Variants in LRRC53 observed in about 807,000 individuals in gnomAD.
LRRC53 encodes the protein leucine rich repeat containing 53.
Under a neutral mutation model 13.6 loss-of-function variants are expected in LRRC53, and 25 were observed. The ratio of observed to expected loss-of-function variants is 1.83; its 90% CI spans 1.34 to 2.56. The LOEUF is 2.56. Among genes scored for constraint, LRRC53 ranks in the 30% most tolerant of loss-of-function variants. LRRC53 has a pLI of 0.00. For missense variants in LRRC53, 527 were observed against 275.8 expected, an observed-to-expected ratio of 1.91 and a Z score of -6.45; for synonymous variants, 204 against 109.8, an observed-to-expected ratio of 1.86 and a Z score of -5.37.
chr1:74,500,213 A>G (rs1454616988), intron 1 of LRRC53, among the ~76,000 whole-genome samples: 10 of 152,040 alleles, frequency 6.6e-5, no homozygotes, highest in Admixed American at 6.6e-4. Context: ...AAATTCCATA[A>G]TGATTTCATT....
At chr1:74,523,822 C>T in the LRRC53 span, among the ~76,000 whole-genome samples, 1 of 152,134 alleles carries the variant, frequency 6.6e-6, no homozygotes, top group Admixed American at 6.6e-5. Context: ...ATGTGCAGAA[C>T]GTGCAGGTTT....
the LRRC53 span, among the ~76,000 whole-genome samples, chr1:74,533,818 A>G: frequency 6.6e-6 from 1 of 152,190 alleles, no homozygotes; most frequent in African/African-American, 2.4e-5. Flanking sequence ...AAGGACAAAA[A>G]ACCAAACACC....
At chr1:74,493,959 G>C (rs1395473725) in intron 1 of LRRC53, among the ~76,000 whole-genome samples, 1 of 152,224 alleles carries the variant, frequency 6.6e-6, no homozygotes, top group Non-Finnish European at 1.5e-5. Flanking sequence ...GGTAACTGGA[G>C]TGGGAATGGG....
At chr1:74,491,533 C>A (rs1264486944) in intron 1 of LRRC53, among the ~76,000 whole-genome samples, 1 of 152,180 alleles carries the variant, frequency 6.6e-6, no homozygotes, top group African/African-American at 2.4e-5. Context: ...AGCCACCACA[C>A]CCAGCCAAGT....
intron 1 of LRRC53, among the ~76,000 whole-genome samples, chr1:74,499,489 T>G (rs1023426751): frequency 6.6e-6 from 1 of 152,180 alleles, no homozygotes; most frequent in Non-Finnish European, 1.5e-5. Context: ...TATTAATTAT[T>G]GTCAATCTCT....
chr1:74,505,608 T>C (rs1355647317), intron 1 of LRRC53, among the ~76,000 whole-genome samples: 1 of 152,212 alleles, frequency 6.6e-6, no homozygotes, highest in Non-Finnish European at 1.5e-5. Context: ...CTAAACCTCA[T>C]ATAATGCAAA....
At chr1:74,494,017 G>C (rs545284525) in intron 1 of LRRC53, among the ~76,000 whole-genome samples, 1 of 152,280 alleles carries the variant, frequency 6.6e-6, no homozygotes, top group African/African-American at 2.4e-5. Context: ...CCCTGTTCTA[G>C]ATGGGGAGCA....
the LRRC53 span, among the ~76,000 whole-genome samples, chr1:74,523,523 G>A: frequency 6.6e-6 from 1 of 151,722 alleles, no homozygotes; most frequent in Non-Finnish European, 1.5e-5. Context: ...AAAAAAAAAG[G>A]CCTCAAAGTT....
intron 1 of LRRC53, 47 bp from the exon 2 acceptor site, chr1:74,483,422 C>G: frequency 1.4e-6 from 1 of 704,974 alleles, no homozygotes; most frequent in Non-Finnish European, 2.6e-6. Flanking sequence ...TTGGCATTCA[C>G]TGTCCATTAT....
At chr1:74,518,339 C>G in the LRRC53 span, among the ~76,000 whole-genome samples, 1 of 152,124 alleles carries the variant, frequency 6.6e-6, no homozygotes, top group Non-Finnish European at 1.5e-5. Context: ...TTCCACATAG[C>G]CTCTTACTGT....
At chr1:74,509,926 G>A (rs937352544) in intron 1 of LRRC53, among the ~76,000 whole-genome samples, 1 of 151,172 alleles carries the variant, frequency 6.6e-6, no homozygotes, top group African/African-American at 2.4e-5. Flanking sequence ...GCTAATTTTT[G>A]TATTTTTTGT....
At chr1:74,511,697 G>T (rs1670235720) in intron 1 of LRRC53, among the ~76,000 whole-genome samples, 1 of 152,042 alleles carries the variant, frequency 6.6e-6, no homozygotes, top group African/African-American at 2.4e-5. Context: ...GAAACACACA[G>T]GAAGATAAGT....
chr1:74,514,607 T>C (rs537043411), upstream of LRRC53, among the ~76,000 whole-genome samples: 1 of 152,220 alleles, frequency 6.6e-6, no homozygotes, highest in African/African-American at 2.4e-5. Flanking sequence ...ATGGGAAAAC[T>C]GGTCAAAACA....
At chr1:74,491,462 G>A (rs560152378) in intron 1 of LRRC53, among the ~76,000 whole-genome samples, 9 of 152,152 alleles carry the variant, frequency 5.9e-5, no homozygotes, top group Middle Eastern at 3.4e-3. Context: ...GGATGGTGTC[G>A]ATCTCTTGAC....
upstream of LRRC53, among the ~76,000 whole-genome samples, chr1:74,517,114 A>G (rs1040552324): frequency 6.6e-6 from 1 of 152,150 alleles, no homozygotes; most frequent in East Asian, 1.9e-4. Flanking sequence ...GATGCTGTTC[A>G]TTATTATGTA....
chr1:74,519,637 A>T, the LRRC53 span, among the ~76,000 whole-genome samples: 2 of 152,188 alleles, frequency 1.3e-5, no homozygotes, highest in East Asian at 3.8e-4. Context: ...CAGAATAGAG[A>T]TAAAAACTTC....
At chr1:74,477,953 A>G (rs891822512) in intron 3 of LRRC53, among the ~76,000 whole-genome samples, 33 of 152,206 alleles carry the variant, frequency 2.2e-4, no homozygotes, top group African/African-American at 8.0e-4. Context: ...TTTATCTACC[A>G]GTTCATAGTG....
chr1:74,533,538 T>C, the LRRC53 span, among the ~76,000 whole-genome samples: 1 of 152,164 alleles, frequency 6.6e-6, no homozygotes, highest in Non-Finnish European at 1.5e-5. Flanking sequence ...GAAATACCAT[T>C]TGACCCAGCC....
rs1667826155 is a variant in LRRC53, at chr1:74,469,595, TTTGC to T, written c.*279_*282del. ...GTTTAAGGCTTTTTTTTTTTCAATG[TTTGC>T]TTGCTTTTGCAAGACTTGGCAAAAC... is the stretch of plus-strand genomic sequence containing the variant. On this transcript the variant is annotated 3_prime_UTR_variant, in exon 5 of 5. Transcript: ENST00000294635. 1 of 276,154 alleles carries T rather than the reference TTTGC, an allele frequency of 3.6e-6. No individual in the cohort carries two copies. Among genetic ancestry groups the T allele is most frequent in the African/African-American group, 2.2e-5 (1 of 46,022 alleles). 17.1% of individuals were successfully genotyped at this position (276,154 alleles called of 1,614,324 possible).
Sources: gnomAD v4.1 joint callset for allele counts (sites outside exome capture counted in the v4.1 genomes callset) on GRCh38, gnomAD v4.1.1 for gene constraint, MANE v1.5 for transcripts, NCBI Gene and HGNC (gene_info 2026-07-23, HGNC 2026-07-21) for gene names.